The following FAM161B variants were observed in gnomAD, a reference collection of about 807,000 sequenced individuals.
The protein encoded by FAM161B is protein FAM161B.
In FAM161B, 46 loss-of-function variants were observed where a neutral mutation model predicts 61.5. The observed-to-expected ratio is 0.75, with a 90% CI of 0.59 to 0.96. The LOEUF (loss-of-function observed/expected upper bound fraction) is 0.96, where lower values mean the gene tolerates loss of function less well. FAM161B is among the 40% of genes least tolerant of loss of function. FAM161B has a pLI of 0.00. For missense variants in FAM161B, 774 were observed against 800.7 expected (o/e 0.97, Z 0.40); for synonymous variants, 284 against 302.7 (o/e 0.94, Z 0.64).
rs775417049 is a variant in FAM161B at position 73,944,653 on chromosome 14, G to C, written c.607C>G (p.Gln203Glu). The change falls in exon 3 of 9, where the codon CAG becomes GAG. Residue 203 changes from glutamine to glutamate, a missense_variant. Physicochemically the swap from Gln to Glu is conservative, Grantham distance 29. Coordinates refer to ENST00000286544, the MANE Select transcript of FAM161B (RefSeq NM_152445.3). ...TCGGCCTCTTCCTCACCCTGCCTCT[G>C]GGCCCGCTGCCTCTCCTGCTCAAAG... ...ASFEQERQRAQRQGEEEAECH... is the reference protein window; with the variant it reads ...ASFEQERQRAERQGEEEAECH... The C allele has an allele frequency of 6.2e-6, 10 of 1,613,750 alleles. No homozygotes were observed. Among genetic ancestry groups the C allele is most frequent in the Non-Finnish European group, 8.5e-6 (10 of 1,179,912 alleles).
At chr14:73,926,681 C>T (rs185132426), downstream of FAM161B, among the ~76,000 whole-genome samples, 6 of 152,242 alleles carry the variant, frequency 3.9e-5, no homozygotes, top group Admixed American at 6.5e-5. Context: ...GTGATCCACC[C>T]ACCTCGGCCT....
rs2055948868 is a variant in FAM161B, at chr14:73,933,965, G to A, written c.*291C>T. The A allele has an allele frequency of 3.9e-6, 1 of 254,534 alleles. No homozygotes were observed. Among genetic ancestry groups the A allele is most frequent in the Admixed American group, 5.3e-5 (1 of 18,786 alleles). 15.8% of individuals were successfully genotyped at this position (254,534 alleles called of 1,614,324 possible). Reference sequence around the variant, plus strand: ...GCTTCCCAAGTAGCTAGGATTACAGGCACGTGTCATCACGCCCAGCTAATT... The same window carrying A: ...GCTTCCCAAGTAGCTAGGATTACAGACACGTGTCATCACGCCCAGCTAATT... On this transcript the variant is annotated 3_prime_UTR_variant, in exon 9 of 9. Coordinates refer to ENST00000286544, the MANE Select transcript of FAM161B (RefSeq NM_152445.3).
intron 4 of FAM161B, 148 bp downstream of exon 4, chr14:73,942,221 T>G: frequency 1.3e-6 from 1 of 771,948 alleles, no homozygotes; most frequent in Non-Finnish European, 2.0e-6. Flanking sequence ...GTCTGGAGTT[T>G]ATAGGAAAGT....
chr14:73,931,421 A>C (rs1191274512), downstream of FAM161B: 6 of 1,268,860 alleles, frequency 4.7e-6, no homozygotes, highest in Non-Finnish European at 6.7e-6. Flanking sequence ...TCCATCCTCC[A>C]CTCTTAATAC....
rs777329916 is a variant in FAM161B at position 73,950,068 on chromosome 14, G to A, written c.-42C>T. On this transcript the variant is annotated 5_prime_UTR_variant, in exon 1 of 9. Coordinates refer to ENST00000286544, the MANE Select transcript of FAM161B (RefSeq NM_152445.3). ...CAGCAGCGACAGTGACAGCGATAGT[G>A]GCAGCAGCGGTGGCAGCGAGAGCTA... 1.7e-5 allele frequency: 27 copies of A among 1,607,012 alleles called. No individual in the cohort carries two copies. Among genetic ancestry groups the A allele is most frequent in the Non-Finnish European group, 2.1e-5 (25 of 1,179,342 alleles).
Position 73,933,329 on chromosome 14 carries a change from A to AAAC in FAM161B, c.*924_*926dup, listed in dbSNP as rs1328999280. On this transcript the variant is annotated 3_prime_UTR_variant, in exon 9 of 9. Transcript: ENST00000286544. ...GCAGGTAGTGGCCAGGGATGCTACT[A>AAAC]AACATTCTACAATGTACAGGACAGT... 1 of 152,206 alleles carries AAAC rather than the reference A, an allele frequency of 6.6e-6. No homozygotes were observed. Among genetic ancestry groups the AAAC allele is most frequent in the African/African-American group, 2.4e-5 (1 of 41,440 alleles). The allele number at this position is 152,206 out of a possible 1,614,324, so 9.4% of individuals were successfully genotyped here. A position where few individuals can be genotyped will look rare whatever the true frequency, so the allele number is the denominator to read the frequency against.
At chr14:73,947,858 C>G (rs1044385419) in intron 1 of FAM161B, among the ~76,000 whole-genome samples, 3 of 151,902 alleles carry the variant, frequency 2.0e-5, no homozygotes, top group Non-Finnish European at 4.4e-5. Flanking sequence ...TTCAGGGAAC[C>G]AGGTATCAAC....
chr14:73,935,436 G>A (rs1463230531), intron 8 of FAM161B, among the ~76,000 whole-genome samples: 1 of 151,798 alleles, frequency 6.6e-6, no homozygotes, highest in Admixed American at 6.6e-5. Flanking sequence ...GCTGAGGCAG[G>A]AGAATGGCGT....
downstream of FAM161B, chr14:73,931,700 G>C (rs1229740319): frequency 1.5e-6 from 1 of 661,390 alleles, no homozygotes; most frequent in African/African-American, 1.9e-5. Flanking sequence ...GAAGATGGAT[G>C]TAGGAGAGCT....
chr14:73,946,177 C>T (rs1409120880), intron 2 of FAM161B, 109 bp downstream of exon 2: 1 of 1,173,050 alleles, frequency 8.5e-7, no homozygotes, highest in South Asian at 1.6e-5. Flanking sequence ...CAGTAAATGG[C>T]AACTTGCAGA....
At chr14:73,940,854 C>T in intron 5 of FAM161B, 72 bp downstream of exon 5, 1 of 1,537,538 alleles carries the variant, frequency 6.5e-7, no homozygotes, top group African/African-American at 1.4e-5. Flanking sequence ...GAAAGGAGGC[C>T]CCTTGGCAGG....
At chr14:73,931,406 C>T, downstream of FAM161B, 1 of 1,045,378 alleles carries the variant, frequency 9.6e-7, no homozygotes, top group Non-Finnish European at 1.4e-6. Context: ...CCCTGTAGTG[C>T]ATTCTCCATC....
chr14:73,949,611 G>A (rs1459948665), intron 1 of FAM161B, among the ~76,000 whole-genome samples: 1 of 151,234 alleles, frequency 6.6e-6, no homozygotes, highest in African/African-American at 2.4e-5. Context: ...CACCCGCCTC[G>A]GCCTCCCAAA....
At chr14:73,947,571 T>G (rs1454713328) in intron 1 of FAM161B, among the ~76,000 whole-genome samples, 2 of 152,114 alleles carry the variant, frequency 1.3e-5, no homozygotes, top group Admixed American at 1.3e-4. Context: ...AACAAGGTCC[T>G]TACTCTCATG....
At chr14:73,949,891 C>T in intron 1 of FAM161B, 82 bp downstream of exon 1, 1 of 1,571,820 alleles carries the variant, frequency 6.4e-7, no homozygotes, top group Non-Finnish European at 8.6e-7. Context: ...TGACACGCCC[C>T]TGCTGTCTGT....
chr14:73,949,949 GGGC>G, intron 1 of FAM161B, 21 bp downstream of exon 1: 1 of 1,612,630 alleles, frequency 6.2e-7, no homozygotes, highest in Non-Finnish European at 8.5e-7. Context: ...CCTTTCCCGG[GGGC>G]AGTCTCTTTT....
chr14:73,944,910 T>G lies in FAM161B; in HGVS notation c.375-25A>C, dbSNP rs369942546. 4 of 1,495,560 alleles carry G rather than the reference T, an allele frequency of 2.7e-6. No homozygotes were observed. The African/African-American group carries it at 4.2e-5, about 16-fold the overall frequency. The allele number at this position is 1,495,560 out of a possible 1,614,324, so 92.6% of individuals were successfully genotyped here. On this transcript the variant is annotated intron_variant, in intron 2 of 8. Transcript: ENST00000286544. ...CCTGGGAAAAAAGCAGATCTGTGAG[T>G]GGAGGACAGGGCAGTCAGGAGGCCC...
In FAM161B at chr14:73,946,483, AGAATCTATC is replaced by A. The variant is rs1374659847; in HGVS notation, c.168_176del (p.Glu56_Ser59delinsAsp). On this transcript the variant is annotated inframe_deletion, in exon 2 of 9. Coordinates refer to ENST00000286544, the MANE Select transcript of FAM161B (RefSeq NM_152445.3). ...AAATGCTCCCAGTTGAGTCAGAAGT[AGAATCTATC>A]TCCTCCTCTGGGCTGAGGAACTCGT... 3.1e-6 allele frequency: 5 copies of A among 1,614,250 alleles called. No individual in the cohort carries two copies. The East Asian group carries it at 1.1e-4, about 36-fold the overall frequency.
chr14:73,940,308 T>C (rs548186970), intron 5 of FAM161B, among the ~76,000 whole-genome samples: 3 of 152,328 alleles, frequency 2.0e-5, no homozygotes, highest in African/African-American at 7.2e-5. Context: ...CTCTGACATC[T>C]TCCCAAGATG....
Sources: gnomAD v4.1 joint callset for allele counts (sites outside exome capture counted in the v4.1 genomes callset) on GRCh38, gnomAD v4.1.1 for gene constraint, MANE v1.5 for transcripts, NCBI Gene and HGNC (gene_info 2026-07-23, HGNC 2026-07-21) for gene names.